UVSSA: variants seen among roughly 807,000 people sequenced by gnomAD.
UVSSA encodes UV stimulated scaffold protein A.
Under a neutral mutation model 73.9 loss-of-function variants are expected in UVSSA, and 72 were observed. The ratio of observed to expected loss-of-function variants is 0.97; its 90% CI spans 0.81 to 1.19. The LOEUF is 1.19. Ranked by LOEUF, UVSSA falls within the 50% of genes most tolerant of loss-of-function variation. The pLI is 0.00. For synonymous variants in UVSSA, 454 were observed against 391.3 expected (o/e 1.16, Z -1.89); for missense variants, 1,150 against 965.0 (o/e 1.19, Z -2.54).
intron 5 of UVSSA, among the ~76,000 whole-genome samples, chr4:1,354,056 CCTT>C (rs1343279082): frequency 6.6e-6 from 1 of 152,218 alleles, no homozygotes; most frequent in Non-Finnish European, 1.5e-5. Context: ...CTTTGAGGAA[CCTT>C]CTTCTTTGGA....
intron 9 of UVSSA, 112 bp downstream of exon 9, chr4:1,375,620 G>C (rs1718672759): frequency 2.7e-6 from 4 of 1,486,910 alleles, no homozygotes; most frequent in Non-Finnish European, 3.6e-6. Flanking sequence ...GGATATCTTG[G>C]TGGAAGCCTT....
rs1400973603 is a variant in UVSSA, at chr4:1,393,127, A to AT, written c.*7172dup. The AT allele has an allele frequency of 2.6e-5, 4 of 151,864 alleles. No homozygotes were observed. In the East Asian group the frequency reaches 7.7e-4, roughly 29 times the overall value. 9.4% of individuals were successfully genotyped at this position (151,864 alleles called of 1,614,324 possible). ...CTCCTTGACTTTCCTTTATTCCGGA[A>AT]TTTTTTCTTCTTCTCAGAATGGGTC... On this transcript the variant is annotated 3_prime_UTR_variant, in exon 14 of 14. Coordinates refer to the UVSSA transcript ENST00000511216.
At position 1,354,814 on chromosome 4, in the gene UVSSA, C is replaced by T. The variant is rs184622678; in HGVS notation, c.1014C>T (p.Asn338=). ...AARDTLKLIR[N]KFLPAVCSWI... ...GCGACACACTCAAGCTCATCCGGAA[C>T]AAGTTCCTGCCGGCTGTGTGCTCGT... Residue 338 remains asparagine (N), a synonymous_variant, in exon 6 of 14, where the codon AAC becomes AAT. Transcript: ENST00000389851. 3.0e-5 allele frequency: 49 copies of T among 1,612,488 alleles called. No homozygotes were observed. In the East Asian group the frequency reaches 1.0e-3, roughly 34 times the overall value.
downstream of UVSSA, chr4:1,392,343 C>G (rs1720429459): frequency 6.6e-6 from 1 of 152,224 alleles, no homozygotes; most frequent in South Asian, 2.1e-4. Context: ...GATGTACAAA[C>G]AGAAATGAGT....
exon 14 of UVSSA, chr4:1,394,311 T>C (rs751947321): frequency 6.1e-6 from 6 of 990,442 alleles, no homozygotes; most frequent in Non-Finnish European, 8.7e-6. Flanking sequence ...TCTTGGCTTC[T>C]AAGTTTTGTG....
exon 14 of UVSSA, chr4:1,394,682 A>G (rs1720482492): frequency 6.3e-7 from 1 of 1,591,970 alleles, no homozygotes; most frequent in Non-Finnish European, 8.5e-7. Flanking sequence ...GCCTGCTCAC[A>G]CGTGCCCATG....
intron 12 of UVSSA, among the ~76,000 whole-genome samples, chr4:1,381,951 C>T (rs115181715): frequency 0.014 from 2,172 of 152,294 alleles, 18 homozygotes; most frequent in Non-Finnish European, 0.018. Flanking sequence ...ATGTGAGTCC[C>T]CGCCCGGCCT....
chr4:1,346,342 C>T (rs1713680062), upstream of UVSSA, among the ~76,000 whole-genome samples: 1 of 152,146 alleles, frequency 6.6e-6, no homozygotes, highest in East Asian at 1.9e-4. Context: ...CGGGCGTCTG[C>T]TCTGCGTGGC....
chr4:1,345,563 T>A (rs1713598611), upstream of UVSSA, among the ~76,000 whole-genome samples: 2 of 144,684 alleles, frequency 1.4e-5, no homozygotes, highest in African/African-American at 2.6e-5. Context: ...GAGAATCGTT[T>A]GAACCCGGGA....
chr4:1,384,147 C>T (rs541625613), intron 13 of UVSSA: 31 of 627,446 alleles, frequency 4.9e-5, no homozygotes, highest in Middle Eastern at 4.3e-4. Flanking sequence ...TGCTCAGGAA[C>T]GCCCCCCAGC....
At chr4:1,371,847 A>G (rs115880342) in intron 8 of UVSSA, among the ~76,000 whole-genome samples, 3,544 of 152,224 alleles carry the variant, frequency 0.023, 60 homozygotes, top group Non-Finnish European at 0.037. Context: ...AGGAAATCTC[A>G]CGGCATCTCT....
chr4:1,377,222 T>C (rs1718885296), intron 10 of UVSSA, among the ~76,000 whole-genome samples: 1 of 152,146 alleles, frequency 6.6e-6, no homozygotes, highest in Admixed American at 6.5e-5. Context: ...TGCCTCTGTG[T>C]CTGGATGCCC....
At position 1,386,717 on chromosome 4, in the gene UVSSA, G is replaced by GTT. The variant is rs35810542; in HGVS notation, c.*763_*764dup. 0.4 allele frequency: 59,896 copies of GTT among 151,488 alleles called. 13,415 individuals carry two copies. Among genetic ancestry groups the GTT allele is most frequent in the East Asian group, 0.66 (3,417 of 5,142 alleles). The allele number at this position is 151,488 out of a possible 1,614,324, so 9.4% of individuals were successfully genotyped here. A position where few individuals can be genotyped will look rare whatever the true frequency, so the allele number is the denominator to read the frequency against. On this transcript the variant is annotated 3_prime_UTR_variant, in exon 14 of 14. Coordinates refer to ENST00000389851, the MANE Select transcript of UVSSA (RefSeq NM_020894.4). ...TGATTTATCTTGAGTTGTAACAGTT[G>GTT]TTTTTTTTGTTTTTCCTTTTAGAGA... is the stretch of plus-strand genomic sequence containing the variant.
At chr4:1,356,326 T>A (rs540523787) in intron 7 of UVSSA, among the ~76,000 whole-genome samples, 77 of 152,228 alleles carry the variant, frequency 5.1e-4, no homozygotes, top group Non-Finnish European at 1.1e-3. Context: ...GAGCCTGTCG[T>A]TTTCCCCAGG....
chr4:1,361,255 A>T (rs1276914056), intron 7 of UVSSA, among the ~76,000 whole-genome samples: 1 of 152,210 alleles, frequency 6.6e-6, no homozygotes, highest in Non-Finnish European at 1.5e-5. Flanking sequence ...GGACTCCAGG[A>T]AGCGGCCCGA....
At chr4:1,374,726 G>T (rs1238064954) in intron 8 of UVSSA, among the ~76,000 whole-genome samples, 1 of 152,236 alleles carries the variant, frequency 6.6e-6, no homozygotes, top group Non-Finnish European at 1.5e-5. Context: ...TGGTCCAGTG[G>T]CCCCTGTGGC....
chr4:1,348,213 G>A, intron 2 of UVSSA, 24 bp downstream of exon 2: 1 of 1,569,822 alleles, frequency 6.4e-7, no homozygotes, highest in Admixed American at 1.7e-5. Flanking sequence ...TTCAGTAACA[G>A]TAACTGACTG....
In UVSSA at chr4:1,383,805, C is replaced by G. The variant is rs753486294; in HGVS notation, c.1901C>G (p.Ala634Gly). Residue 634 changes from alanine to glycine, a missense_variant, in exon 13 of 14, where the codon GCC becomes GGC. Transcript: ENST00000389851. ...GAGTTGATGAGAGACGTGGAAGCAG[C>G]CACAGGGCAGGATCTCGGCTCATCC... Reference protein sequence around the residue: ...DPELMRDVEAATGQDLGSSRY... With the variant: ...DPELMRDVEAGTGQDLGSSRY... The G allele has an allele frequency of 6.2e-7, 1 of 1,613,678 alleles. No homozygotes were observed.
At chr4:1,362,816 G>A (rs952994352) in intron 7 of UVSSA, among the ~76,000 whole-genome samples, 8 of 152,180 alleles carry the variant, frequency 5.3e-5, no homozygotes, top group African/African-American at 1.4e-4. Context: ...GGCTCCGTGC[G>A]CTTCGAGGCC....
Sources: allele counts gnomAD v4.1 joint callset (sites outside exome capture counted in the v4.1 genomes callset), GRCh38; gene constraint gnomAD v4.1.1; transcripts MANE v1.5; gene names NCBI Gene and HGNC (gene_info 2026-07-23, HGNC 2026-07-21).